Variants in ITPKB observed in about 807,000 individuals in gnomAD.
ITPKB encodes the protein IP3 3-kinase B.
ITPKB carries 13 observed loss-of-function variants against 69.4 expected under a neutral mutation model. The observed-to-expected ratio is 0.19, with a 90% confidence interval of 0.12 to 0.30. The LOEUF is 0.30. ITPKB is among the 10% of genes least tolerant of loss of function. The pLI is 1.00. For missense variants in ITPKB, 1,240 were observed against 1,250.5 expected, an observed-to-expected ratio of 0.99 and a Z score of 0.13; for synonymous variants, 584 against 513.7, an observed-to-expected ratio of 1.14 and a Z score of -1.85.
chr1:226,715,452 G>A (rs1250102633), intron 2 of ITPKB, among the ~76,000 whole-genome samples: 1 of 152,192 alleles, frequency 6.6e-6, no homozygotes, highest in Non-Finnish European at 1.5e-5. Flanking sequence ...CTCTGACCCA[G>A]AAGATTTAAG....
intron 2 of ITPKB, among the ~76,000 whole-genome samples, chr1:226,653,193 C>A (rs1669228812): frequency 6.6e-6 from 1 of 152,208 alleles, no homozygotes; most frequent in Non-Finnish European, 1.5e-5. Context: ...CAGCAAGTTA[C>A]TTCTCCAAAG....
chr1:226,671,945 G>C (rs1470327919), intron 2 of ITPKB, among the ~76,000 whole-genome samples: 2 of 152,198 alleles, frequency 1.3e-5, no homozygotes, highest in Non-Finnish European at 2.9e-5. Flanking sequence ...AGTGAGATAG[G>C]AAGCTGCTGG....
chr1:226,714,000 G>A (rs1657036271), intron 2 of ITPKB, among the ~76,000 whole-genome samples: 1 of 152,102 alleles, frequency 6.6e-6, no homozygotes, highest in South Asian at 2.1e-4. Flanking sequence ...ATGGCAAAGG[G>A]CCCTTCTTGA....
Position 226,654,635 on chromosome 1 carries a change from C to T in ITPKB, c.1933-5864G>A, listed in dbSNP as rs547091038. ...TTACTCCTCCCCACCTCCAGCCCAT[C>T]CTTGGAGCTGCCCCGAGCCAGTGGG... On this transcript the variant is annotated intron_variant, in intron 2 of 7. Coordinates refer to ENST00000429204, the MANE Select transcript of ITPKB (RefSeq NM_002221.4). 2.0e-5 allele frequency among the ~76,000 whole-genome samples: 3 copies of T among 152,310 alleles called. No individual in the cohort carries two copies. The East Asian group carries it at 5.8e-4, about 29-fold the overall frequency.
In ITPKB at chr1:226,739,036, C is replaced by T. The variant is rs1281055569; in HGVS notation, c.-206+5G>A. The T allele has an allele frequency of 1.3e-5, 2 of 152,402 alleles. No homozygotes were observed. Among genetic ancestry groups the T allele is most frequent in the East Asian group, 3.9e-4 (2 of 5,192 alleles). The allele number at this position is 152,402 out of a possible 1,614,324, so 9.4% of individuals were successfully genotyped here. A position where few individuals can be genotyped will look rare whatever the true frequency, so the allele number is the denominator to read the frequency against. ...CGAGAGCCATTAAAAGGCCGCCAAA[C>T]TTACCTGCAGTTTCTCAGATTCTCA... On this transcript the variant is annotated splice_donor_5th_base_variant and intron_variant, in intron 1 of 7. Coordinates refer to ENST00000429204, the MANE Select transcript of ITPKB (RefSeq NM_002221.4).
intron 2 of ITPKB, chr1:226,707,808 C>T: frequency 9.0e-7 from 1 of 1,112,646 alleles, no homozygotes; most frequent in East Asian, 7.5e-5. Flanking sequence ...GTAATTGGCT[C>T]AGTCTTTCCA....
In ITPKB at chr1:226,737,162, G is replaced by A. The variant is rs1199856933; in HGVS notation, c.297C>T (p.Ser99=). The change falls in exon 2 of 8, where the codon AGC becomes AGT. Residue 99 remains serine, a synonymous_variant. Transcript: ENST00000429204. ...GSGSSGSSVS[S]PSWAGRLRGD... The stretch of plus-strand genomic sequence containing the variant: ...CTCGCAGGCGACCAGCCCAACTTGG[G>A]CTGCTCACGCTACTGCCGCTGCTGC... 1.3e-6 allele frequency: 2 copies of A among 1,589,312 alleles called. No individual in the cohort carries two copies. Among genetic ancestry groups the A allele is most frequent in the Admixed American group, 1.7e-5 (1 of 58,708 alleles).
intron 2 of ITPKB, among the ~76,000 whole-genome samples, chr1:226,717,624 CT>C (rs1657126551): frequency 6.6e-6 from 1 of 152,202 alleles, no homozygotes; most frequent in African/African-American, 2.4e-5. Flanking sequence ...CAATAAACAA[CT>C]TTCCTTAAAT....
intron 3 of ITPKB, 57 bp from the exon 4 acceptor site, chr1:226,647,437 A>T (rs1257390969): frequency 7.5e-7 from 1 of 1,330,668 alleles, no homozygotes; most frequent in Non-Finnish European, 1.1e-6. Flanking sequence ...TGGCAGAGGC[A>T]CCCTCCCCAG....
intron 2 of ITPKB, among the ~76,000 whole-genome samples, chr1:226,728,479 T>C (rs956990761): frequency 2.6e-5 from 4 of 152,220 alleles, no homozygotes; most frequent in Non-Finnish European, 5.9e-5. Flanking sequence ...TCAGACAAAG[T>C]TGGAAGACCC....
At chr1:226,664,139 C>A (rs977793673) in intron 2 of ITPKB, among the ~76,000 whole-genome samples, 3 of 152,212 alleles carry the variant, frequency 2.0e-5, no homozygotes, top group African/African-American at 7.2e-5. Flanking sequence ...GTTTCATCTC[C>A]TTCCTACTGA....
At chr1:226,643,542 A>C (rs976143096) in intron 4 of ITPKB, among the ~76,000 whole-genome samples, 2 of 152,194 alleles carry the variant, frequency 1.3e-5, no homozygotes, top group Non-Finnish European at 2.9e-5. Context: ...CCTTGTTCCA[A>C]CACTGCCCAC....
intron 2 of ITPKB, among the ~76,000 whole-genome samples, chr1:226,671,701 GGT>G (rs1669621517): frequency 6.6e-6 from 1 of 152,176 alleles, no homozygotes; most frequent in Non-Finnish European, 1.5e-5. Flanking sequence ...AGTTGGCCAT[GGT>G]CTTTCTGCAG....
chr1:226,652,028 A>C (rs971894702), intron 2 of ITPKB, among the ~76,000 whole-genome samples: 1 of 152,218 alleles, frequency 6.6e-6, no homozygotes, highest in Non-Finnish European at 1.5e-5. Flanking sequence ...ATGCACTTGC[A>C]CTGGAGACCT....
At chr1:226,702,122 ACGG>A (rs1425262563) in intron 2 of ITPKB, among the ~76,000 whole-genome samples, 1 of 152,068 alleles carries the variant, frequency 6.6e-6, no homozygotes, top group Non-Finnish European at 1.5e-5. Flanking sequence ...TTGGCCCGGC[ACGG>A]TGGTTCATGC....
At chr1:226,721,959 G>A (rs984011048) in intron 2 of ITPKB, among the ~76,000 whole-genome samples, 1 of 151,602 alleles carries the variant, frequency 6.6e-6, no homozygotes, top group Non-Finnish European at 1.5e-5. Flanking sequence ...GATTACAGGC[G>A]CGCACCACCA....
chr1:226,687,328 C>T (rs1025648318), intron 2 of ITPKB, among the ~76,000 whole-genome samples: 1 of 152,164 alleles, frequency 6.6e-6, no homozygotes, highest in Non-Finnish European at 1.5e-5. Context: ...CTTCCATCCT[C>T]GGGATGAAAA....
chr1:226,727,467 A>G (rs1657460086), intron 2 of ITPKB, among the ~76,000 whole-genome samples: 1 of 152,234 alleles, frequency 6.6e-6, no homozygotes, highest in South Asian at 2.1e-4. Context: ...AGCTGGGTGG[A>G]TGGCCAGTCA....
At chr1:226,689,569 TTGTGTG>T (rs10589027) in intron 2 of ITPKB, among the ~76,000 whole-genome samples, 7,040 of 138,510 alleles carry the variant, frequency 0.051, 183 homozygotes, top group East Asian at 0.073. Flanking sequence ...AAGGTTTTAT[TTGTGTG>T]TGTGTGTGTG....
Sources: allele counts gnomAD v4.1 joint callset (sites outside exome capture counted in the v4.1 genomes callset), GRCh38; gene constraint gnomAD v4.1.1; transcripts MANE v1.5; gene names NCBI Gene and HGNC (gene_info 2026-07-23, HGNC 2026-07-21).